Variants in RAB3GAP1 observed in about 807,000 individuals in gnomAD.
The protein encoded by RAB3GAP1 is RAB3 GTPase activating protein catalytic subunit 1.
A neutral mutation model predicts 130.7 loss-of-function variants in RAB3GAP1; 86 were observed. The observed-to-expected ratio is 0.66, with a 90% CI of 0.55 to 0.79. The LOEUF (loss-of-function observed/expected upper bound fraction) is 0.79, where lower values mean the gene tolerates loss of function less well. Ranked by LOEUF, RAB3GAP1 falls within the 30% of genes least tolerant of loss-of-function variation. The pLI, the probability that RAB3GAP1 is intolerant of heterozygous loss-of-function variation, is 0.00. For missense variants in RAB3GAP1, 1,029 were observed against 1,169.4 expected (o/e 0.88, Z 1.75); for synonymous variants, 367 against 401.7 (o/e 0.91, Z 1.03).
At chr2:135,114,931 T>G (rs1323786477) in intron 6 of RAB3GAP1, among the ~76,000 whole-genome samples, 3 of 152,254 alleles carry the variant, frequency 2.0e-5, no homozygotes, top group African/African-American at 7.2e-5. Context: ...ATAATCACTT[T>G]TACTCAAGAC....
At chr2:135,150,313 G>A in intron 17 of RAB3GAP1, 56 bp from the exon 18 acceptor site, 2 of 1,599,022 alleles carry the variant, frequency 1.3e-6, no homozygotes, top group South Asian at 1.1e-5. Flanking sequence ...TATTTTTATG[G>A]TACTTCTTTT....
At position 135,105,384 on chromosome 2, in the gene RAB3GAP1, A is replaced by C. The variant is rs576405653; in HGVS notation, c.363-7767A>C. ...GTGCCTGGGATTGCAGGCACGTGCC[A>C]CCACGCCTGACTGGTTTTCGTATTT... is the stretch of plus-strand genomic sequence containing the variant. On this transcript the variant is annotated intron_variant, in intron 5 of 23. Coordinates refer to ENST00000264158, the MANE Select transcript of RAB3GAP1 (RefSeq NM_012233.3). Among the ~76,000 whole-genome samples, 284 of 151,830 alleles carry C rather than the reference A, an allele frequency of 1.9e-3. 1 individual carries two copies. The highest frequency in any genetic ancestry group is 6.6e-3 in the African/African-American group (275 of 41,410).
intron 3 of RAB3GAP1, chr2:135,058,449 C>A (rs1689082910): frequency 1.2e-5 from 2 of 172,478 alleles, no homozygotes; most frequent in Non-Finnish European, 2.4e-5. Flanking sequence ...TTGCAGTGAC[C>A]ATCTTCTTTG....
At chr2:135,138,534 A>G (rs180970887) in intron 17 of RAB3GAP1, among the ~76,000 whole-genome samples, 75 of 152,100 alleles carry the variant, frequency 4.9e-4, no homozygotes, top group African/African-American at 1.8e-3. Context: ...GGTTTGGGTT[A>G]TATTTCTTAT....
At position 135,081,076 on chromosome 2, in the gene RAB3GAP1, A is replaced by C. The variant is rs543669370; in HGVS notation, c.151-9922A>C. Among the ~76,000 whole-genome samples, 32 of 152,034 alleles carry C rather than the reference A, an allele frequency of 2.1e-4. No homozygotes were observed. In the South Asian group the frequency reaches 5.8e-3, roughly 28 times the overall value. ...GAGCTGGAAATTTTGCCATGAAGCA[A>C]ACGTTCATTAGTGTTAAGACCATAT... On this transcript the variant is annotated intron_variant, in intron 3 of 23. Coordinates refer to ENST00000264158, the MANE Select transcript of RAB3GAP1 (RefSeq NM_012233.3).
chr2:135,052,574 G>A, intron 2 of RAB3GAP1, 89 bp downstream of exon 2: 2 of 1,469,290 alleles, frequency 1.4e-6, no homozygotes, highest in Non-Finnish European at 1.9e-6. Flanking sequence ...CACAAGTGAC[G>A]CCACTTGTGC....
chr2:135,060,250 T>C (rs1352292207), intron 3 of RAB3GAP1, among the ~76,000 whole-genome samples: 1 of 147,374 alleles, frequency 6.8e-6, no homozygotes, highest in East Asian at 2.0e-4. Flanking sequence ...AAAACTTAAC[T>C]GCTTGATTTT....
chr2:135,105,383 C>T (rs1690569506), intron 5 of RAB3GAP1, among the ~76,000 whole-genome samples: 2 of 152,036 alleles, frequency 1.3e-5, no homozygotes, highest in South Asian at 2.1e-4. Context: ...AGGCACGTGC[C>T]ACCACGCCTG....
At chr2:135,103,146 C>T (rs1690502197) in intron 5 of RAB3GAP1, among the ~76,000 whole-genome samples, 1 of 142,738 alleles carries the variant, frequency 7.0e-6, no homozygotes, top group Admixed American at 7.3e-5. Flanking sequence ...AAGCAGTTCT[C>T]CTGCCTCAGC....
chr2:135,062,005 T>C (rs541365446), intron 3 of RAB3GAP1, among the ~76,000 whole-genome samples: 3 of 152,242 alleles, frequency 2.0e-5, no homozygotes, highest in South Asian at 2.1e-4. Flanking sequence ...TATTTGACTA[T>C]CCTTATGTCA....
At chr2:135,152,484 C>G (rs1347736259) in intron 18 of RAB3GAP1, among the ~76,000 whole-genome samples, 1 of 152,194 alleles carries the variant, frequency 6.6e-6, no homozygotes, top group Non-Finnish European at 1.5e-5. Context: ...CTCTGGGCCT[C>G]TGGTTTCCTA....
chr2:135,105,084 G>A (rs1690554681), intron 5 of RAB3GAP1, among the ~76,000 whole-genome samples: 1 of 152,198 alleles, frequency 6.6e-6, no homozygotes, highest in Non-Finnish European at 1.5e-5. Context: ...GAACTTCTGA[G>A]ATCTGTGGGT....
chr2:135,085,295 A>G (rs1689941676), intron 3 of RAB3GAP1, among the ~76,000 whole-genome samples: 1 of 152,224 alleles, frequency 6.6e-6, no homozygotes, highest in Admixed American at 6.5e-5. Context: ...ACTATAATAC[A>G]TAATTGGAAA....
intron 7 of RAB3GAP1, among the ~76,000 whole-genome samples, chr2:135,116,578 T>C (rs1302244813): frequency 2.6e-5 from 4 of 152,220 alleles, no homozygotes; most frequent in Non-Finnish European, 5.9e-5. Flanking sequence ...ACAATTGGGA[T>C]GATTTTAATA....
At chr2:135,131,878 TG>T (rs1161340265) in intron 13 of RAB3GAP1, among the ~76,000 whole-genome samples, 1 of 152,246 alleles carries the variant, frequency 6.6e-6, no homozygotes, top group Non-Finnish European at 1.5e-5. Context: ...CCCGGAAATT[TG>T]TGCATTAAGA....
At chr2:135,098,255 T>C (rs967788897) in intron 5 of RAB3GAP1, among the ~76,000 whole-genome samples, 5 of 152,180 alleles carry the variant, frequency 3.3e-5, no homozygotes, top group Admixed American at 2.6e-4. Context: ...GAGAGTTCGT[T>C]GTATACTTTG....
intron 3 of RAB3GAP1, among the ~76,000 whole-genome samples, chr2:135,069,443 A>G (rs1158706970): frequency 1.3e-5 from 2 of 151,490 alleles, no homozygotes; most frequent in African/African-American, 4.9e-5. Flanking sequence ...TTTTCCCTTT[A>G]GGTTTTTGAT....
chr2:135,168,703 T>C lies in RAB3GAP1; in HGVS notation c.2868T>C (p.Pro956=). 1 of 1,614,196 alleles carries C rather than the reference T, an allele frequency of 6.2e-7. No homozygotes were observed. Among genetic ancestry groups the C allele is most frequent in the African/African-American group, 1.3e-5 (1 of 75,058 alleles). ...CTGCTCCCTACTCCAAAGCTCTGCCTCAGCGGATGTACAGTGTTCTCACCA... is the reference window on the plus strand; with the variant it reads ...CTGCTCCCTACTCCAAAGCTCTGCCCCAGCGGATGTACAGTGTTCTCACCA... ...PRPAPYSKAL[P]QRMYSVLTKE... Residue 956 remains proline, a synonymous_variant, in exon 24 of 24, where the codon CCT becomes CCC. Coordinates refer to ENST00000264158, the MANE Select transcript of RAB3GAP1 (RefSeq NM_012233.3).
chr2:135,056,866 A>C (rs1310203115), intron 2 of RAB3GAP1, among the ~76,000 whole-genome samples: 2 of 152,196 alleles, frequency 1.3e-5, no homozygotes, highest in African/African-American at 4.8e-5. Context: ...AAACATAATT[A>C]TTAGTTCATA....
Sources: allele counts gnomAD v4.1 joint callset (sites outside exome capture counted in the v4.1 genomes callset), GRCh38; gene constraint gnomAD v4.1.1; transcripts MANE v1.5; gene names NCBI Gene and HGNC (gene_info 2026-07-23, HGNC 2026-07-21).